SPECC1: variants seen among roughly 807,000 people sequenced by gnomAD.
The protein encoded by SPECC1 is sperm antigen with calponin homology and coiled-coil domains 1, also known as cytospin-B.
A neutral mutation model predicts 104.1 loss-of-function variants in SPECC1; 62 were observed. The observed-to-expected ratio is 0.60, with a 90% CI of 0.49 to 0.74. The LOEUF is 0.74. Ranked by LOEUF, SPECC1 falls within the 30% of genes least tolerant of loss-of-function variation. SPECC1 has a pLI of 0.00. For missense variants in SPECC1, 1,306 were observed against 1,310.5 expected, an observed-to-expected ratio of 1.00 and a Z score of 0.05; for synonymous variants, 513 against 501.6, an observed-to-expected ratio of 1.02 and a Z score of -0.30.
At position 20,028,710 on chromosome 17, in the gene SPECC1, A is replaced by G. The variant is rs560361109; in HGVS notation, c.-22+19286A>G. ...GCTATTCTCAAGGTCTTGCAATTCCATGTGAATTTTAGAATAATCTTTTCA... is the reference window on the plus strand; with the variant it reads ...GCTATTCTCAAGGTCTTGCAATTCCGTGTGAATTTTAGAATAATCTTTTCA... On this transcript the variant is annotated intron_variant, in intron 1 of 14. Transcript: ENST00000395527. Among the ~76,000 whole-genome samples, 352 of 150,538 alleles carry G rather than the reference A, an allele frequency of 2.3e-3. 6 individuals are homozygous for G. Among genetic ancestry groups the G allele is most frequent in the Non-Finnish European group, 8.9e-4 (60 of 67,776 alleles).
intron 12 of SPECC1, among the ~76,000 whole-genome samples, chr17:20,285,769 C>G (rs2040922699): frequency 1.3e-5 from 2 of 151,086 alleles, no homozygotes. Flanking sequence ...TCCCTGTCCT[C>G]CCTCCTTCTC....
intron 3 of SPECC1, among the ~76,000 whole-genome samples, chr17:20,131,626 A>G (rs1050523624): frequency 4.1e-5 from 6 of 146,342 alleles, no homozygotes; most frequent in African/African-American, 1.0e-4. Flanking sequence ...CGTGGAAAGC[A>G]TTCAGTCTTC....
chr17:20,090,214 C>T (rs531322616), intron 1 of SPECC1, among the ~76,000 whole-genome samples: 3 of 152,342 alleles, frequency 2.0e-5, no homozygotes, highest in African/African-American at 4.8e-5. Flanking sequence ...TCTGCACCAG[C>T]GCAGGCGACC....
chr17:20,174,207 G>T (rs1293550960), intron 3 of SPECC1, among the ~76,000 whole-genome samples: 1 of 151,980 alleles, frequency 6.6e-6, no homozygotes, highest in South Asian at 2.1e-4. Flanking sequence ...CTGTTTACAT[G>T]CCTAAGCCAC....
intron 1 of SPECC1, among the ~76,000 whole-genome samples, chr17:20,073,366 CA>C (rs1338242271): frequency 1.3e-5 from 2 of 152,196 alleles, no homozygotes; most frequent in Non-Finnish European, 2.9e-5. Flanking sequence ...AGCCAGCCTA[CA>C]TCTTGAAACC....
chr17:20,275,761 A>G (rs1567600463), intron 12 of SPECC1, among the ~76,000 whole-genome samples: 1 of 152,190 alleles, frequency 6.6e-6, no homozygotes, highest in Non-Finnish European at 1.5e-5. Flanking sequence ...TGAGCAGCCG[A>G]AGGCCCATCA....
rs765535804 is a variant in SPECC1 at position 20,306,470 on chromosome 17, CTG to C, written c.3117+389_3117+390del. ...AAAACAAAGCAGAAACCAGGCACAA[CTG>C]AGCCTGCAAAACTCGGCAGGGGTGG... is the stretch of plus-strand genomic sequence containing the variant. On this transcript the variant is annotated intron_variant, in intron 14 of 14. Coordinates refer to ENST00000395527, the MANE Select transcript of SPECC1 (RefSeq NM_001243439.2). 2.0e-5 allele frequency among the ~76,000 whole-genome samples: 3 copies of C among 152,186 alleles called. No homozygotes were observed. The East Asian group carries it at 5.8e-4, about 29-fold the overall frequency.
At chr17:20,223,018 C>A (rs2037981218) in intron 4 of SPECC1, among the ~76,000 whole-genome samples, 1 of 152,004 alleles carries the variant, frequency 6.6e-6, no homozygotes, top group South Asian at 2.1e-4. Flanking sequence ...AAATGTCTTA[C>A]TTGGGCAAAG....
At chr17:20,060,105 C>T (rs763094345) in intron 1 of SPECC1, among the ~76,000 whole-genome samples, 2 of 152,132 alleles carry the variant, frequency 1.3e-5, no homozygotes, top group Non-Finnish European at 2.9e-5. Flanking sequence ...TGGGGCTCTT[C>T]TAAAGAATGT....
chr17:20,278,175 C>A (rs1461292162), intron 12 of SPECC1, among the ~76,000 whole-genome samples: 1 of 152,156 alleles, frequency 6.6e-6, no homozygotes, highest in Non-Finnish European at 1.5e-5. Context: ...AGCTCCCCTC[C>A]CCACCCTCAC....
At chr17:20,134,921 G>A (rs955837944) in intron 3 of SPECC1, among the ~76,000 whole-genome samples, 3 of 152,186 alleles carry the variant, frequency 2.0e-5, no homozygotes, top group African/African-American at 7.2e-5. Flanking sequence ...CTGCTTTTCT[G>A]GTTCTGTGTA....
rs145930810 is a variant in SPECC1, at chr17:20,179,907, A to G, written c.284-24426A>G. ...TCTTGGAAGGATCGTACTGCCTTGG[A>G]ACATCTAGGAAATAGCGTGGAACTA... On this transcript the variant is annotated intron_variant, in intron 3 of 14. Transcript: ENST00000395527. 8.7e-3 allele frequency among the ~76,000 whole-genome samples: 1,321 copies of G among 152,324 alleles called. 13 individuals are homozygous for G. Among genetic ancestry groups the G allele is most frequent in the Non-Finnish European group, 0.013 (900 of 68,028 alleles).
chr17:20,185,121 G>C (rs1345491699), intron 3 of SPECC1: 1 of 152,160 alleles, frequency 6.6e-6, no homozygotes, highest in African/African-American at 2.4e-5. Context: ...TGAATGAATG[G>C]GTTTTGAGAT....
chr17:20,227,608 A>G lies in SPECC1; in HGVS notation c.2059A>G (p.Ser687Gly), dbSNP rs1306638754. ...CAAGTTACACAATAATCAACTCATC[A>G]GTGAGCTAGAAAGTAAGTGGGGTCT... ...AVKLHNNQLISELESSVIKLE... is the reference protein window; with the variant it reads ...AVKLHNNQLIGELESSVIKLE... Residue 687 changes from serine to glycine, a missense_variant, in exon 5 of 15, where the codon AGT (serine) becomes GGT (glycine). Ser to Gly is a moderately conservative substitution (Grantham distance 56, BLOSUM62 0). Transcript: ENST00000395527. 6.2e-7 allele frequency: 1 copy of G among 1,611,456 alleles called. No homozygotes were observed.
chr17:20,026,343 C>A (rs1208263631), intron 1 of SPECC1, among the ~76,000 whole-genome samples: 1 of 152,076 alleles, frequency 6.6e-6, no homozygotes, highest in Non-Finnish European at 1.5e-5. Context: ...CATCCAAAAT[C>A]TCTTCTAGCT....
At position 20,252,519 on chromosome 17, in the gene SPECC1, C is replaced by T. The variant is rs144612476; in HGVS notation, c.2599-986C>T. 1.6e-3 allele frequency among the ~76,000 whole-genome samples: 241 copies of T among 152,224 alleles called. 2 individuals carry two copies. Among genetic ancestry groups the T allele is most frequent in the African/African-American group, 5.4e-3 (225 of 41,530 alleles). Reference sequence around the variant, plus strand: ...ACTCTGTATCCACGGAACAATTCCCCACTTCCCCTCCCTGAGGCCTCTGGG... The same window carrying T: ...ACTCTGTATCCACGGAACAATTCCCTACTTCCCCTCCCTGAGGCCTCTGGG... On this transcript the variant is annotated intron_variant, in intron 9 of 14. Transcript: ENST00000395527.
intron 1 of SPECC1, chr17:20,017,163 C>A (rs2044169319): frequency 6.6e-6 from 1 of 152,336 alleles, no homozygotes; most frequent in Admixed American, 6.5e-5. Flanking sequence ...GCTGCGGTCG[C>A]ATTCCGCGCT....
At chr17:20,215,947 T>A (rs2037461027) in intron 4 of SPECC1, among the ~76,000 whole-genome samples, 1 of 152,216 alleles carries the variant, frequency 6.6e-6, no homozygotes, top group African/African-American at 2.4e-5. Flanking sequence ...GACAGAGATC[T>A]TTTTTCAGTA....
chr17:20,267,486 C>T (rs1290784849), intron 12 of SPECC1, among the ~76,000 whole-genome samples: 3 of 152,152 alleles, frequency 2.0e-5, no homozygotes, highest in Admixed American at 2.0e-4. Context: ...GAATGTCCTC[C>T]TCTTTATATG....
Sources: gnomAD v4.1 joint callset for allele counts (sites outside exome capture counted in the v4.1 genomes callset) on GRCh38, gnomAD v4.1.1 for gene constraint, MANE v1.5 for transcripts, NCBI Gene and HGNC (gene_info 2026-07-23, HGNC 2026-07-21) for gene names.